The following C8orf34 variants were observed in gnomAD, a reference collection of about 807,000 sequenced individuals.
C8orf34 encodes the protein uncharacterized protein C8orf34.
Under a neutral mutation model 68.3 loss-of-function variants are expected in C8orf34, and 65 were observed. The ratio of observed to expected loss-of-function variants is 0.95; its 90% CI spans 0.78 to 1.17. C8orf34 has a LOEUF of 1.17. Ranked by LOEUF, C8orf34 falls within the 50% of genes most tolerant of loss-of-function variation. C8orf34 has a pLI of 0.00. For missense variants in C8orf34, 664 were observed against 655.4 expected (o/e 1.01, Z -0.14); for synonymous variants, 244 against 241.2 (o/e 1.01, Z -0.11).
At chr8:68,677,300 C>A (rs188149506) in intron 8 of C8orf34, among the ~76,000 whole-genome samples, 26 of 152,254 alleles carry the variant, frequency 1.7e-4, no homozygotes, top group Non-Finnish European at 3.5e-4. Flanking sequence ...AAGTTTATAG[C>A]TATAAGCACC....
At position 68,530,319 on chromosome 8, in the gene C8orf34, G is replaced by A. The variant is rs144939841; in HGVS notation, c.939-2664G>A. On this transcript the variant is annotated intron_variant, in intron 6 of 13. Transcript: ENST00000518698. Reference sequence around the variant, plus strand: ...TAACTTGCCCCAAATTATTCATCTTGTAAATAAACTATGTTCAATTGTCAT... The same window carrying A: ...TAACTTGCCCCAAATTATTCATCTTATAAATAAACTATGTTCAATTGTCAT... 6.4e-3 allele frequency among the ~76,000 whole-genome samples: 970 copies of A among 152,144 alleles called. 15 individuals are homozygous for A. The highest frequency in any genetic ancestry group is 0.022 in the African/African-American group (904 of 41,516).
intron 1 of C8orf34, among the ~76,000 whole-genome samples, chr8:68,362,226 A>G (rs912890499): frequency 1.3e-5 from 2 of 152,204 alleles, no homozygotes; most frequent in Non-Finnish European, 2.9e-5. Flanking sequence ...AGGTTCTTCA[A>G]TGAAGGGATC....
intron 10 of C8orf34, 99 bp from the exon 11 acceptor site, chr8:68,776,300 A>C: frequency 1.2e-6 from 1 of 834,270 alleles, no homozygotes; most frequent in Non-Finnish European, 2.0e-6. Flanking sequence ...AGAATAGCAA[A>C]TATTTGGTGT....
chr8:68,671,770 T>A (rs1002480605), intron 8 of C8orf34, among the ~76,000 whole-genome samples: 2 of 152,204 alleles, frequency 1.3e-5, no homozygotes, highest in African/African-American at 2.4e-5. Context: ...GGTTTATTTC[T>A]TATTAAATTA....
chr8:68,712,498 G>A (rs988560853), intron 9 of C8orf34, among the ~76,000 whole-genome samples: 9 of 152,084 alleles, frequency 5.9e-5, no homozygotes, highest in Non-Finnish European at 1.3e-4. Context: ...GTAGAAAAAG[G>A]TATTCCATGC....
chr8:68,784,486 AAAG>A (rs1309671602), intron 11 of C8orf34, among the ~76,000 whole-genome samples: 1 of 152,146 alleles, frequency 6.6e-6, no homozygotes, highest in Non-Finnish European at 1.5e-5. Flanking sequence ...GAACTATTTG[AAAG>A]AAGGTCACTA....
chr8:68,625,545 A>G (rs774476430), intron 7 of C8orf34: 5 of 690,126 alleles, frequency 7.2e-6, no homozygotes, highest in African/African-American at 5.3e-5. Flanking sequence ...AGGGATGAGA[A>G]CAGCATGTGA....
Position 68,776,441 on chromosome 8 carries a change from A to G in C8orf34, c.1447A>G (p.Met483Val), listed in dbSNP as rs1215175151. 6.2e-7 allele frequency: 1 copy of G among 1,612,660 alleles called. No homozygotes were observed. Among genetic ancestry groups the G allele is most frequent in the Non-Finnish European group, 8.5e-7 (1 of 1,178,848 alleles). Residue 483 changes from methionine (M) to valine (V), a missense_variant, in exon 11 of 14, where the codon ATG (methionine) becomes GTG (valine). By Grantham distance (21) the Met-to-Val change is conservative. Transcript: ENST00000518698. ...AGTAGGACACTCACTGAAAAACTACATGGAAGAAGTGAGTTTTAAGGTTGC... is the reference window on the plus strand; with the variant it reads ...AGTAGGACACTCACTGAAAAACTACGTGGAAGAAGTGAGTTTTAAGGTTGC... ...SGVGHSLKNY[M>V]EEDESLKQLQ... is the part of the protein sequence containing the mutation.
intron 1 of C8orf34, chr8:68,438,513 C>G (rs1810758604): frequency 6.6e-6 from 1 of 152,114 alleles, no homozygotes; most frequent in Non-Finnish European, 1.5e-5. Flanking sequence ...TTTGTTAGCT[C>G]TCTTAATATC....
intron 1 of C8orf34, among the ~76,000 whole-genome samples, chr8:68,431,847 GT>G (rs1462728515): frequency 6.6e-6 from 1 of 152,094 alleles, no homozygotes; most frequent in Non-Finnish European, 1.5e-5. Context: ...GTTTTTAGTT[GT>G]GGTATTTTCA....
chr8:68,709,023 C>G lies in C8orf34; in HGVS notation c.1271C>G (p.Thr424Arg). 6.2e-7 allele frequency: 1 copy of G among 1,604,550 alleles called. No homozygotes were observed. Among genetic ancestry groups the G allele is most frequent in the South Asian group, 1.1e-5 (1 of 88,616 alleles). The change falls in exon 9 of 14, where the codon ACA becomes AGA. Residue 424 changes from threonine to arginine, a missense_variant. Thr to Arg is a moderately conservative substitution (Grantham distance 71). Transcript: ENST00000518698. ...RLQGDNLEER[T>R]EESLPILHSP... ...CAAGGAGACAACCTGGAAGAAAGGA[C>G]AGAAGAGTCACTACCAATACTCCAT...
intron 7 of C8orf34, 56 bp downstream of exon 7, chr8:68,533,205 G>A (rs148649474): frequency 2.9e-5 from 45 of 1,529,246 alleles, no homozygotes; most frequent in South Asian, 6.6e-5. Flanking sequence ...TAAAAAAAAC[G>A]TGTGGTGATT....
chr8:68,495,484 T>C (rs1014874286), intron 5 of C8orf34, among the ~76,000 whole-genome samples: 2 of 152,186 alleles, frequency 1.3e-5, no homozygotes, highest in Non-Finnish European at 2.9e-5. Context: ...ATAGGGAGTA[T>C]TATCCACATT....
chr8:68,695,176 C>T lies in C8orf34; in HGVS notation c.1242-13818C>T, dbSNP rs902358282. On this transcript the variant is annotated intron_variant, in intron 8 of 13. Transcript: ENST00000518698. ...TTTTTTTTTTTTTGAGATGGAGTTTCTTTCTTGTTGCCCAAGCTGGAGTGC... is the reference window on the plus strand; with the variant it reads ...TTTTTTTTTTTTTGAGATGGAGTTTTTTTCTTGTTGCCCAAGCTGGAGTGC... 6.8e-4 allele frequency among the ~76,000 whole-genome samples: 93 copies of T among 137,384 alleles called. No individual in the cohort carries two copies. In the South Asian group the frequency reaches 0.016, roughly 24 times the overall value. 90.1% of individuals were successfully genotyped at this position (137,384 alleles called of 152,430 possible).
At chr8:68,761,837 T>C (rs1310939657) in intron 10 of C8orf34, among the ~76,000 whole-genome samples, 2 of 152,248 alleles carry the variant, frequency 1.3e-5, no homozygotes, top group Non-Finnish European at 2.9e-5. Context: ...GCCTCCTTTT[T>C]TCTTTAACAC....
chr8:68,551,366 T>C (rs567233445), intron 7 of C8orf34, among the ~76,000 whole-genome samples: 4 of 152,136 alleles, frequency 2.6e-5, no homozygotes, highest in African/African-American at 9.6e-5. Flanking sequence ...TTTTAATTCT[T>C]TCTTAGAATT....
chr8:68,746,654 G>T (rs1464236952), intron 10 of C8orf34, among the ~76,000 whole-genome samples: 11 of 148,046 alleles, frequency 7.4e-5, no homozygotes, highest in Non-Finnish European at 1.6e-4. Context: ...TAAATTCCTC[G>T]ACACATACAC....
chr8:68,800,857 T>G (rs2953967), intron 12 of C8orf34, among the ~76,000 whole-genome samples: 1 of 151,994 alleles, frequency 6.6e-6, no homozygotes, highest in Non-Finnish European at 1.5e-5. Flanking sequence ...TTCTACGTTC[T>G]TCGGCTTTTC....
At chr8:68,794,099 C>T (rs1175977412) in intron 12 of C8orf34, among the ~76,000 whole-genome samples, 3 of 152,032 alleles carry the variant, frequency 2.0e-5, no homozygotes, top group East Asian at 3.9e-4. Context: ...TATCTCTTAT[C>T]TGAAATTATT....
Sources: gnomAD v4.1 joint callset for allele counts (sites outside exome capture counted in the v4.1 genomes callset) on GRCh38, gnomAD v4.1.1 for gene constraint, MANE v1.5 for transcripts, NCBI Gene and HGNC (gene_info 2026-07-23, HGNC 2026-07-21) for gene names.